CHD7: variants seen among roughly 807,000 people sequenced by gnomAD.
CHD7 encodes chromodomain helicase DNA binding protein 7.
Under a neutral mutation model 307.3 loss-of-function variants are expected in CHD7, and 24 were observed. That is an observed-to-expected ratio of 0.08 (90% CI 0.06 to 0.11). The LOEUF (loss-of-function observed/expected upper bound fraction) is 0.11, where lower values mean the gene tolerates loss of function less well. CHD7 is among the 10% of genes least tolerant of loss of function. The probability of loss-of-function intolerance (pLI) is 1.00; values close to 1 mark genes in which losing one functional copy is unlikely to be tolerated. For synonymous variants in CHD7, 1,363 were observed against 1,349.9 expected, an observed-to-expected ratio of 1.01 and a Z score of -0.21; for missense variants, 3,106 against 3,727.1, an observed-to-expected ratio of 0.83 and a Z score of 4.34.
chr8:60,838,344 C>A, intron 19 of CHD7, 89 bp downstream of exon 19: 1 of 1,162,590 alleles, frequency 8.6e-7, no homozygotes, highest in East Asian at 2.6e-5. Flanking sequence ...TTACAAGATG[C>A]ATTGGGAATT....
At position 60,856,615 on chromosome 8, in the gene CHD7, A is replaced by G; in HGVS notation, c.7335A>G (p.Ser2445=). The G allele has an allele frequency of 6.2e-7, 1 of 1,614,068 alleles. No homozygotes were observed. The highest frequency in any genetic ancestry group is 8.5e-7 in the Non-Finnish European group (1 of 1,179,896). Residue 2445 remains serine (S), a synonymous_variant, in exon 34 of 38, where the codon TCA becomes TCG. Transcript: ENST00000423902. ...ENGQEKVVDL[S]KASREATSST... is the part of the protein sequence containing the mutation. Reference sequence around the variant, plus strand: ...GACAAGAAAAAGTTGTAGATTTATCAAAGGCCTCAAGAGAGGCAACAAGCT... The same window carrying G: ...GACAAGAAAAAGTTGTAGATTTATCGAAGGCCTCAAGAGAGGCAACAAGCT...
chr8:60,694,469 T>C (rs570870732), intron 1 of CHD7, among the ~76,000 whole-genome samples: 1 of 152,320 alleles, frequency 6.6e-6, no homozygotes, highest in East Asian at 1.9e-4. Flanking sequence ...GTTGTAGTCA[T>C]TGTATAGTGG....
chr8:60,709,374 C>G (rs1205848848), intron 1 of CHD7, among the ~76,000 whole-genome samples: 2 of 152,110 alleles, frequency 1.3e-5, no homozygotes, highest in African/African-American at 4.8e-5. Flanking sequence ...AACGTTTATT[C>G]ACTTTATTTT....
chr8:60,776,569 G>T (rs1469371534), intron 2 of CHD7, among the ~76,000 whole-genome samples: 1 of 151,594 alleles, frequency 6.6e-6, no homozygotes, highest in African/African-American at 2.4e-5. Context: ...TCTCAGCCTG[G>T]GTTAGGTGCT....
chr8:60,862,447 GT>G, intron 36 of CHD7, 100 bp from the exon 37 acceptor site: 1 of 1,462,622 alleles, frequency 6.8e-7, no homozygotes, highest in African/African-American at 1.4e-5. Flanking sequence ...CCGAATGCGT[GT>G]GTGCGTGTAT....
chr8:60,839,949 C>T (rs1454112754), intron 19 of CHD7, among the ~76,000 whole-genome samples: 1 of 152,140 alleles, frequency 6.6e-6, no homozygotes, highest in Non-Finnish European at 1.5e-5. Flanking sequence ...TTGTCAAACC[C>T]AAGCTCACAA....
At chr8:60,780,939 A>C (rs891989314) in intron 2 of CHD7, 61 bp from the exon 3 acceptor site, 18 of 1,423,932 alleles carry the variant, frequency 1.3e-5, no homozygotes, top group Non-Finnish European at 1.5e-5. Flanking sequence ...ACTAACTTTC[A>C]GTTCTTTTCT....
intron 1 of CHD7, among the ~76,000 whole-genome samples, chr8:60,708,376 C>T (rs181549646): frequency 1.3e-5 from 2 of 152,324 alleles, no homozygotes; most frequent in Non-Finnish European, 2.9e-5. Context: ...TTTATCTCCC[C>T]TCATTGCCTC....
intron 2 of CHD7, among the ~76,000 whole-genome samples, chr8:60,775,672 C>G (rs1026359839): frequency 3.3e-5 from 5 of 152,230 alleles, no homozygotes; most frequent in Admixed American, 2.6e-4. Flanking sequence ...TTAGGACACT[C>G]TCTGTACTGT....
intron 7 of CHD7, among the ~76,000 whole-genome samples, chr8:60,813,735 ATAAG>A (rs1279244573): frequency 6.6e-6 from 1 of 151,948 alleles, no homozygotes; most frequent in Non-Finnish European, 1.5e-5. Context: ...CATTCCTGAA[ATAAG>A]TAACTACTTG....
intron 23 of CHD7, 147 bp from the exon 24 acceptor site, chr8:60,848,368 A>G: frequency 3.3e-6 from 2 of 598,342 alleles, no homozygotes; most frequent in Admixed American, 5.9e-5. Context: ...ATTATGTGCC[A>G]CCATCTGTCA....
intron 3 of CHD7, among the ~76,000 whole-genome samples, 170 bp from the exon 4 acceptor site, chr8:60,794,816 T>C (rs950397533): frequency 5.3e-5 from 8 of 152,342 alleles, no homozygotes; most frequent in South Asian, 4.1e-4. Context: ...GTCATTAATA[T>C]GGAGTTTTGC....
chr8:60,862,013 G>A, intron 35 of CHD7, 183 bp from the exon 36 acceptor site: 1 of 483,728 alleles, frequency 2.1e-6, no homozygotes, highest in East Asian at 3.5e-5. Context: ...ATTCCTTAAT[G>A]GACGGGTAAA....
At chr8:60,682,607 C>G (rs948704732) in intron 1 of CHD7, among the ~76,000 whole-genome samples, 1 of 152,164 alleles carries the variant, frequency 6.6e-6, no homozygotes, top group Non-Finnish European at 1.5e-5. Flanking sequence ...ATTCAGCAAA[C>G]CTTGGCAAGC....
chr8:60,711,939 T>G (rs1807300495), intron 1 of CHD7, among the ~76,000 whole-genome samples: 1 of 152,258 alleles, frequency 6.6e-6, no homozygotes, highest in Admixed American at 6.5e-5. Flanking sequence ...AATGGCTGGT[T>G]GATTATAGAG....
At chr8:60,775,362 A>ACAAGC (rs1810901497) in intron 2 of CHD7, among the ~76,000 whole-genome samples, 1 of 43,754 alleles carries the variant, frequency 2.3e-5, no homozygotes, top group South Asian at 2.7e-3. Flanking sequence ...ATACTACTTT[A>ACAAGC]TTCCTACCAG....
At chr8:60,845,580 A>C (rs1353928131) in intron 23 of CHD7, among the ~76,000 whole-genome samples, 171 bp downstream of exon 23, 1 of 152,086 alleles carries the variant, frequency 6.6e-6, no homozygotes, top group Non-Finnish European at 1.5e-5. Flanking sequence ...CTGGAACCAT[A>C]CTCCCGCGGA....
At chr8:60,852,784 C>T (rs373107371) in intron 30 of CHD7, 45 bp from the exon 31 acceptor site, 3 of 1,608,150 alleles carry the variant, frequency 1.9e-6, no homozygotes, top group South Asian at 1.1e-5. Flanking sequence ...ATGTAGAATG[C>T]CCTTGAATTC....
chr8:60,712,714 C>T (rs1199017699), intron 1 of CHD7, among the ~76,000 whole-genome samples: 9 of 152,128 alleles, frequency 5.9e-5, no homozygotes, highest in South Asian at 2.1e-4. Context: ...GTCAGGAGTT[C>T]GAGACCAGCC....
Sources: allele counts gnomAD v4.1 joint callset (sites outside exome capture counted in the v4.1 genomes callset), GRCh38; gene constraint gnomAD v4.1.1; transcripts MANE v1.5; gene names NCBI Gene and HGNC (gene_info 2026-07-23, HGNC 2026-07-21).